SLC30A9: variants seen among roughly 807,000 people sequenced by gnomAD.
SLC30A9 encodes proton-coupled zinc antiporter SLC30A9, mitochondrial.
SLC30A9 carries 58 observed loss-of-function variants against 87.5 expected under a neutral mutation model. The observed-to-expected ratio is 0.66, with a 90% CI of 0.54 to 0.82. The LOEUF is 0.82. Among genes scored for constraint, SLC30A9 ranks in the 40% least tolerant of loss-of-function variants. The pLI is 0.00. For missense variants in SLC30A9, 557 were observed against 679.1 expected, an observed-to-expected ratio of 0.82 and a Z score of 2.00; for synonymous variants, 234 against 233.0, an observed-to-expected ratio of 1.00 and a Z score of -0.04.
At chr4:42,053,720 A>AAAAAAAAAAAAAAAAAAAAAAAAAT (rs1717482548) in intron 9 of SLC30A9, among the ~76,000 whole-genome samples, 1 of 124,260 alleles carries the variant, frequency 8.0e-6, no homozygotes, top group African/African-American at 2.6e-5. Flanking sequence ...AAAAAAAAAA[A>AAAAAAAAAAAAAAAAAAAAAAAAAT]AAAAGGAATG....
chr4:42,076,535 T>A (rs978882174), intron 16 of SLC30A9, among the ~76,000 whole-genome samples: 11 of 152,172 alleles, frequency 7.2e-5, no homozygotes, highest in African/African-American at 2.7e-4. Flanking sequence ...TAACAACATA[T>A]TTTTTAGATT....
At chr4:42,046,955 A>C (rs552483414) in intron 8 of SLC30A9, among the ~76,000 whole-genome samples, 1 of 152,346 alleles carries the variant, frequency 6.6e-6, no homozygotes, top group East Asian at 1.9e-4. Context: ...CTGATCTTTG[A>C]CAAACCTGAC....
chr4:41,990,535 G>A lies in SLC30A9; in HGVS notation c.-117G>A. 1 of 594,088 alleles carries A rather than the reference G, an allele frequency of 1.7e-6. No individual in the cohort carries two copies. Among genetic ancestry groups the A allele is most frequent in the Non-Finnish European group, 2.9e-6 (1 of 345,290 alleles). The allele number at this position is 594,088 out of a possible 1,614,324, so 36.8% of individuals were successfully genotyped here. A position where few individuals can be genotyped will look rare whatever the true frequency, so the allele number is the denominator to read the frequency against. ...TTGCCGTTTCCGGGTCACCCAGGCA[G>A]CTTGTGGCGGCGAAGCCATCGGTGT... On this transcript the variant is annotated 5_prime_UTR_variant, in exon 1 of 18. Transcript: ENST00000264451.
At chr4:42,045,628 A>C (rs985173068) in intron 8 of SLC30A9, among the ~76,000 whole-genome samples, 4 of 151,696 alleles carry the variant, frequency 2.6e-5, no homozygotes, top group African/African-American at 9.7e-5. Flanking sequence ...TTCACAGCCA[A>C]ATTCTACCAG....
chr4:42,030,818 T>C (rs1716403497), intron 6 of SLC30A9, among the ~76,000 whole-genome samples: 1 of 152,232 alleles, frequency 6.6e-6, no homozygotes, highest in African/African-American at 2.4e-5. Context: ...TGTCTTGACA[T>C]CTCTTCCCTT....
intron 8 of SLC30A9, among the ~76,000 whole-genome samples, chr4:42,043,983 A>C (rs531392442): frequency 1.3e-5 from 2 of 152,314 alleles, no homozygotes; most frequent in African/African-American, 4.8e-5. Flanking sequence ...TTCATAAGCG[A>C]AGGAGAAGAA....
chr4:42,031,005 G>T (rs912431945), intron 6 of SLC30A9, among the ~76,000 whole-genome samples: 13 of 152,152 alleles, frequency 8.5e-5, no homozygotes, highest in African/African-American at 3.1e-4. Flanking sequence ...CATGGTGGAA[G>T]AATTTTTTAT....
rs2153135613 is a variant in SLC30A9 at position 42,022,879 on chromosome 4, A to G, written c.476A>G (p.His159Arg). Residue 159 changes from histidine to arginine, a missense_variant, in exon 5 of 18, where the codon CAT becomes CGT. By Grantham distance (29) the His-to-Arg change is conservative. Transcript: ENST00000264451. ...CGAAAAATCAGACGACGAAGTCCCC[A>G]TGAAGATACTGAGTCTTTTACTGTA... is the stretch of plus-strand genomic sequence containing the variant. Reference protein sequence around the residue: ...QLRKIRRRSPHEDTESFTVYL... With the variant: ...QLRKIRRRSPREDTESFTVYL... 3 of 1,603,710 alleles carry G rather than the reference A, an allele frequency of 1.9e-6. No homozygotes were observed. The highest frequency in any genetic ancestry group is 2.6e-6 in the Non-Finnish European group (3 of 1,173,752).
chr4:42,013,945 A>G (rs989626293), intron 2 of SLC30A9, among the ~76,000 whole-genome samples: 8 of 152,194 alleles, frequency 5.3e-5, no homozygotes, highest in Non-Finnish European at 7.3e-5. Flanking sequence ...AGTCAACAAA[A>G]TGAAGAGACA....
chr4:42,012,765 C>T (rs187343783), intron 2 of SLC30A9, among the ~76,000 whole-genome samples: 160 of 151,984 alleles, frequency 1.1e-3, no homozygotes, highest in African/African-American at 3.6e-3. Flanking sequence ...AACAACCCCT[C>T]CACATTAAAA....
At chr4:41,998,421 C>G (rs1371045184) in intron 1 of SLC30A9, among the ~76,000 whole-genome samples, 2 of 151,738 alleles carry the variant, frequency 1.3e-5, no homozygotes, top group Non-Finnish European at 1.5e-5. Flanking sequence ...TAATATTTTT[C>G]ACTATCTCTT....
chr4:41,994,478 T>G (rs1714605304), intron 1 of SLC30A9, among the ~76,000 whole-genome samples: 1 of 151,622 alleles, frequency 6.6e-6, no homozygotes, highest in Non-Finnish European at 1.5e-5. Context: ...GGGAAGACAC[T>G]TAAGTATACT....
intron 9 of SLC30A9, among the ~76,000 whole-genome samples, chr4:42,053,518 C>A (rs1223449543): frequency 1.3e-5 from 2 of 151,712 alleles, no homozygotes; most frequent in South Asian, 2.1e-4. Flanking sequence ...TGGTGAAATT[C>A]CATCTCTGCT....
chr4:42,069,131 T>G (rs570299148), intron 14 of SLC30A9, among the ~76,000 whole-genome samples: 1 of 152,360 alleles, frequency 6.6e-6, no homozygotes, highest in Non-Finnish European at 1.5e-5. Flanking sequence ...AGTTTTAGAC[T>G]GTTTTTGAAC....
At chr4:42,075,872 C>A in intron 16 of SLC30A9, 86 bp downstream of exon 16, 3 of 1,295,088 alleles carry the variant, frequency 2.3e-6, no homozygotes, top group Admixed American at 2.5e-5. Flanking sequence ...TTTTATAGAT[C>A]TTAAAGGCAC....
chr4:42,055,354 CTG>C (rs1717561704), intron 9 of SLC30A9, among the ~76,000 whole-genome samples: 2 of 151,524 alleles, frequency 1.3e-5, no homozygotes, highest in Non-Finnish European at 2.9e-5. Context: ...TAAATTAGAC[CTG>C]TGTCTCTAAT....
At chr4:42,062,109 A>G (rs10938174) in intron 10 of SLC30A9, among the ~76,000 whole-genome samples, 101,011 of 150,540 alleles carry the variant, frequency 0.67, 37,384 homozygotes, top group East Asian at 0.96. Context: ...CAGGAGAATC[A>G]TTTGTACTCG....
chr4:41,992,192 G>A (rs756414691), intron 1 of SLC30A9, among the ~76,000 whole-genome samples: 7 of 151,886 alleles, frequency 4.6e-5, no homozygotes, highest in East Asian at 3.9e-4. Flanking sequence ...CAAAAAATTA[G>A]CCTGGTTTGG....
intron 6 of SLC30A9, 95 bp downstream of exon 6, chr4:42,023,479 G>A: frequency 1.3e-6 from 1 of 741,732 alleles, no homozygotes; most frequent in Non-Finnish European, 2.3e-6. Flanking sequence ...CATACCTGTT[G>A]GCCTAGGCTC....
Sources: gnomAD v4.1 joint callset for allele counts (sites outside exome capture counted in the v4.1 genomes callset) on GRCh38, gnomAD v4.1.1 for gene constraint, MANE v1.5 for transcripts, NCBI Gene and HGNC (gene_info 2026-07-23, HGNC 2026-07-21) for gene names.